The following RNF6 variants were observed in gnomAD, a reference collection of about 807,000 sequenced individuals.
RNF6 encodes the protein ring finger protein 6.
In RNF6, 21 loss-of-function variants were observed where a neutral mutation model predicts 50.1. That is an observed-to-expected ratio of 0.42 (90% confidence interval 0.30 to 0.60). The LOEUF is 0.60. Ranked by LOEUF, RNF6 falls within the 20% of genes least tolerant of loss-of-function variation. The pLI is 0.20. For synonymous variants in RNF6, 255 were observed against 291.8 expected (o/e 0.87, Z 1.29); for missense variants, 698 against 838.2 (o/e 0.83, Z 2.07).
At chr13:26,178,591 CGTGTGT>C (rs3981342) in intron 5 of RNF6, among the ~76,000 whole-genome samples, 4,539 of 100,222 alleles carry the variant, frequency 0.045, 138 homozygotes, top group African/African-American at 0.09. Flanking sequence ...CTGCCTGGTC[CGTGTGT>C]GTGTGTGTGT....
At chr13:26,178,277 A>G (rs1029622400) in intron 5 of RNF6, among the ~76,000 whole-genome samples, 5 of 152,198 alleles carry the variant, frequency 3.3e-5, no homozygotes, top group South Asian at 2.1e-4. Context: ...TAAGAAGCCC[A>G]TCAAGATCCC....
At chr13:26,163,388 A>G (rs1872308706) in intron 5 of RNF6, among the ~76,000 whole-genome samples, 1 of 152,078 alleles carries the variant, frequency 6.6e-6, no homozygotes, top group South Asian at 2.1e-4. Flanking sequence ...CTTCTGCATT[A>G]TTTTGAAGTA....
In RNF6 at chr13:26,213,872, C is replaced by T. The variant is rs771318104; in HGVS notation, c.2010G>A (p.Pro670=). The part of the protein sequence containing the change: ...DRWLSENCTC[P]ICRQPVLGSN... ...ACCCTAAAACAGGCTGCCGACAGAT[C>T]GGACAAGTGCAATTCTCTGAGAGCC... Residue 670 remains proline (P), a synonymous_variant, in exon 5 of 5, where the codon CCG becomes CCA. Transcript: ENST00000381588. The T allele has an allele frequency of 2.5e-5, 40 of 1,613,284 alleles. No individual in the cohort carries two copies. Among genetic ancestry groups the T allele is most frequent in the South Asian group, 3.3e-5 (3 of 90,972 alleles).
Position 26,219,568 on chromosome 13 carries a change from T to G in RNF6, c.82A>C (p.Arg28=), listed in dbSNP as rs1276118413. 1.2e-6 allele frequency: 2 copies of G among 1,613,974 alleles called. No homozygotes were observed. The highest frequency in any genetic ancestry group is 8.5e-7 in the Non-Finnish European group (1 of 1,179,964). Residue 28 remains arginine (R), a synonymous_variant, in exon 3 of 5, where the codon AGA becomes CGA. Coordinates refer to ENST00000381588, the MANE Select transcript of RNF6 (RefSeq NM_005977.4). ...CTGTGGAGACGCTCTTGCTGCCATCTTCTCTCATTTTCATGATGATTATGG... is the reference window on the plus strand; with the variant it reads ...CTGTGGAGACGCTCTTGCTGCCATCGTCTCTCATTTTCATGATGATTATGG... ...QDHNHHENER[R]WQQERLHREE...
At chr13:26,197,667 C>T (rs571453569) in intron 5 of RNF6, among the ~76,000 whole-genome samples, 1 of 152,086 alleles carries the variant, frequency 6.6e-6, no homozygotes, top group South Asian at 2.1e-4. Context: ...GCTCTTTTCT[C>T]TACTGCAATA....
intron 5 of RNF6, among the ~76,000 whole-genome samples, chr13:26,151,621 C>CTTTTTTTTTT (rs10682446): frequency 7.2e-6 from 1 of 139,570 alleles, no homozygotes; most frequent in Non-Finnish European, 1.5e-5. Flanking sequence ...TTCTTTTTTT[C>CTTTTTTTTTT]TTTTTTTTTT....
chr13:26,171,769 T>C (rs1872706417), intron 5 of RNF6, among the ~76,000 whole-genome samples: 1 of 152,242 alleles, frequency 6.6e-6, no homozygotes, highest in Non-Finnish European at 1.5e-5. Flanking sequence ...CAAGACGTTA[T>C]GCTTGGTGAA....
chr13:26,174,170 T>C (rs1166927739), intron 5 of RNF6, among the ~76,000 whole-genome samples: 2 of 152,088 alleles, frequency 1.3e-5, no homozygotes, highest in East Asian at 3.9e-4. Context: ...TTTCAATTTA[T>C]TGTTTCTCTG....
At chr13:26,137,847 G>C (rs1446642406) in intron 5 of RNF6, among the ~76,000 whole-genome samples, 1 of 151,930 alleles carries the variant, frequency 6.6e-6, no homozygotes, top group African/African-American at 2.4e-5. Flanking sequence ...AACAGTCTTA[G>C]AGACCTATGA....
chr13:26,205,160 A>C (rs1869058754), intron 5 of RNF6, among the ~76,000 whole-genome samples: 1 of 152,144 alleles, frequency 6.6e-6, no homozygotes, highest in Non-Finnish European at 1.5e-5. Flanking sequence ...AGCTTCAGTT[A>C]TTAGCCTTAT....
intron 5 of RNF6, among the ~76,000 whole-genome samples, chr13:26,192,280 T>A (rs1868492708): frequency 6.6e-6 from 1 of 152,146 alleles, no homozygotes. Context: ...AAGAGAACAA[T>A]GGCTAGGAAC....
chr13:26,216,359 A>G (rs1304189069), intron 4 of RNF6, among the ~76,000 whole-genome samples: 2 of 152,136 alleles, frequency 1.3e-5, no homozygotes, highest in Admixed American at 1.3e-4. Flanking sequence ...AATAAAATAC[A>G]TTTTCTATTC....
At position 26,218,565 on chromosome 13, in the gene RNF6, C is replaced by T. The variant is rs149715342; in HGVS notation, c.235G>A (p.Val79Ile). Reference protein sequence around the residue: ...SEELQQRLDGVKEQLASQPDL... With the variant: ...SEELQQRLDGIKEQLASQPDL... ...GGCTGAGATGCTAGTTGTTCCTTGA[C>T]GCCATCTAACCGCTGTTGCAGTTCT... The change falls in exon 4 of 5, where the codon GTC (valine) becomes ATC (isoleucine). Residue 79 changes from valine to isoleucine, a missense_variant. Transcript: ENST00000381588. 116 of 1,613,930 alleles carry T rather than the reference C, an allele frequency of 7.2e-5. 1 individual carries two copies. The highest frequency in any genetic ancestry group is 3.3e-4 in the Admixed American group (20 of 60,026).
intron 5 of RNF6, among the ~76,000 whole-genome samples, chr13:26,196,528 G>A (rs1475333396): frequency 1.3e-5 from 2 of 149,818 alleles, no homozygotes; most frequent in East Asian, 3.9e-4. Flanking sequence ...AACTACTTGG[G>A]AGGCTGAAGC....
At chr13:26,148,665 T>TATATATATATATGA (rs1871391990) in intron 5 of RNF6, among the ~76,000 whole-genome samples, 1 of 127,870 alleles carries the variant, frequency 7.8e-6, no homozygotes, top group Non-Finnish European at 1.7e-5. Flanking sequence ...TATATATATA[T>TATATATATATATGA]ATATATGAGG....
Position 26,214,755 on chromosome 13 carries a change from ATTC to A in RNF6, c.1124_1126del (p.Arg375del). ...GGATTCTTCTCCTTCTTCTACTGTT[ATTC>A]TTGACACAAGCCTTGAATTAGAGAA... On this transcript the variant is annotated inframe_deletion, in exon 5 of 5. Transcript: ENST00000381588. 6.2e-7 allele frequency: 1 copy of A among 1,614,162 alleles called. No individual in the cohort carries two copies. The highest frequency in any genetic ancestry group is 8.5e-7 in the Non-Finnish European group (1 of 1,180,032).
chr13:26,181,105 G>T (rs1873215345), intron 5 of RNF6, among the ~76,000 whole-genome samples: 1 of 152,080 alleles, frequency 6.6e-6, no homozygotes, highest in Non-Finnish European at 1.5e-5. Context: ...AGGAAGGGGG[G>T]TCACATCCTG....
downstream of RNF6, among the ~76,000 whole-genome samples, chr13:26,210,940 T>C (rs1869296269): frequency 6.6e-6 from 1 of 152,222 alleles, no homozygotes; most frequent in Non-Finnish European, 1.5e-5. Context: ...AGCTGGAAGC[T>C]GGCAATCTAG....
chr13:26,213,062 G>A lies in RNF6; in HGVS notation c.*762C>T, dbSNP rs1201882387. The A allele has an allele frequency of 6.6e-6, 1 of 152,554 alleles. No individual in the cohort carries two copies. The highest frequency in any genetic ancestry group is 1.5e-5 in the Non-Finnish European group (1 of 68,006). The allele number at this position is 152,554 out of a possible 1,614,324, so 9.5% of individuals were successfully genotyped here. ...ACACAAGTTAAATAACCTATATGAT[G>A]TAAATTTTCCATTTCTGAATACTTT... On this transcript the variant is annotated 3_prime_UTR_variant, in exon 5 of 5. Transcript: ENST00000381588.
Sources: allele counts gnomAD v4.1 joint callset (sites outside exome capture counted in the v4.1 genomes callset), GRCh38; gene constraint gnomAD v4.1.1; transcripts MANE v1.5; gene names NCBI Gene and HGNC (gene_info 2026-07-23, HGNC 2026-07-21).